EYA1: variants seen among roughly 807,000 people sequenced by gnomAD.
EYA1 encodes the protein protein phosphatase EYA1.
EYA1 carries 16 observed loss-of-function variants against 82.0 expected under a neutral mutation model. The observed-to-expected ratio is 0.20, with a 90% CI of 0.13 to 0.30. The LOEUF (loss-of-function observed/expected upper bound fraction) is 0.30, where lower values mean the gene tolerates loss of function less well. EYA1 is among the 10% of genes least tolerant of loss of function. The pLI is 1.00. For missense variants in EYA1, 633 were observed against 730.7 expected (o/e 0.87, Z 1.54); for synonymous variants, 261 against 264.4 (o/e 0.99, Z 0.12).
intron 2 of EYA1, among the ~76,000 whole-genome samples, chr8:71,495,181 T>C (rs926311641): frequency 2.0e-5 from 3 of 152,248 alleles, no homozygotes; most frequent in Non-Finnish European, 4.4e-5. Flanking sequence ...TAAAAGATAA[T>C]TCTTTCTTGC....
chr8:71,305,355 C>G (rs1425824322), intron 7 of EYA1, among the ~76,000 whole-genome samples: 1 of 142,416 alleles, frequency 7.0e-6, no homozygotes, highest in East Asian at 2.1e-4. Flanking sequence ...ATAAGTTTGG[C>G]AGAGATTGCT....
intron 2 of EYA1, among the ~76,000 whole-genome samples, chr8:71,507,653 C>A (rs976385259): frequency 7.2e-5 from 11 of 152,156 alleles, no homozygotes; most frequent in Non-Finnish European, 2.9e-5. Flanking sequence ...CACAGCCATT[C>A]GGTAGAATAC....
rs527305745 is a variant in EYA1 at position 71,467,650 on chromosome 8, G to C, written c.33+68094C>G. ...AGTGCCTAAGGGCTTCTTCCCATTA[G>C]AGTCATTGACTGGGGTTGAAAGCAT... On this transcript the variant is annotated intron_variant, in intron 2 of 18. Transcript: ENST00000643681. Among the ~76,000 whole-genome samples, 4 of 152,246 alleles carry C rather than the reference G, an allele frequency of 2.6e-5. No individual in the cohort carries two copies. In the South Asian group the frequency reaches 8.3e-4, roughly 32 times the overall value.
chr8:71,506,809 T>A (rs1418247549), intron 2 of EYA1, among the ~76,000 whole-genome samples: 1 of 151,608 alleles, frequency 6.6e-6, no homozygotes, highest in Non-Finnish European at 1.5e-5. Context: ...TAAAAACAAA[T>A]AAGAAAAGGT....
chr8:71,250,262 A>T (rs1813589277), intron 11 of EYA1, among the ~76,000 whole-genome samples: 1 of 152,210 alleles, frequency 6.6e-6, no homozygotes, highest in Non-Finnish European at 1.5e-5. Flanking sequence ...TTGATCATGA[A>T]ATCCTTTCCT....
intron 2 of EYA1, among the ~76,000 whole-genome samples, chr8:71,438,829 G>A (rs904266642): frequency 6.6e-6 from 1 of 152,162 alleles, no homozygotes; most frequent in African/African-American, 2.4e-5. Context: ...TGGCAAGGTG[G>A]CAAACCTTAC....
chr8:71,281,213 G>T (rs1336773202), intron 9 of EYA1, among the ~76,000 whole-genome samples: 1 of 152,142 alleles, frequency 6.6e-6, no homozygotes, highest in African/African-American at 2.4e-5. Flanking sequence ...GGAATGAATG[G>T]GGAGGTTTTC....
chr8:71,237,438 G>A (rs548839414), intron 12 of EYA1, among the ~76,000 whole-genome samples: 5 of 152,220 alleles, frequency 3.3e-5, no homozygotes, highest in Admixed American at 1.3e-4. Context: ...TTAATGAATT[G>A]CAGTAATCTT....
chr8:71,208,469 A>T (rs551182455), intron 17 of EYA1, among the ~76,000 whole-genome samples: 1 of 152,294 alleles, frequency 6.6e-6, no homozygotes, highest in African/African-American at 2.4e-5. Context: ...GCCTATTTCC[A>T]GTATAAAAAT....
rs570995924 is a variant in EYA1 at position 71,198,438 on chromosome 8, TA to T, written c.*901del. ...TGCTTTTGGTCTTGACAACATTATCTAAAAAAAAAAAATCCATTATCTACAT... is the reference window on the plus strand; with the variant it reads ...TGCTTTTGGTCTTGACAACATTATCTAAAAAAAAAAATCCATTATCTACAT... On this transcript the variant is annotated 3_prime_UTR_variant, in exon 18 of 18. Transcript: ENST00000340726. 8.8e-3 allele frequency: 1,279 copies of T among 145,718 alleles called. 19 individuals carry two copies. The highest frequency in any genetic ancestry group is 0.028 in the African/African-American group (1,106 of 40,074). The allele number at this position is 145,718 out of a possible 1,614,324, so 9.0% of individuals were successfully genotyped here.
At chr8:71,461,370 C>T (rs1808350558) in intron 2 of EYA1, among the ~76,000 whole-genome samples, 1 of 152,172 alleles carries the variant, frequency 6.6e-6, no homozygotes, top group African/African-American at 2.4e-5. Flanking sequence ...GGGCAGGCAG[C>T]TCCAGGTGCC....
intron 12 of EYA1, among the ~76,000 whole-genome samples, chr8:71,226,864 A>G (rs1007150794): frequency 6.6e-6 from 1 of 151,858 alleles, no homozygotes; most frequent in African/African-American, 2.4e-5. Flanking sequence ...CTATGTCCCT[A>G]CCGCTGACAT....
Position 71,512,322 on chromosome 8 carries a change from G to C in EYA1, c.33+23422C>G, listed in dbSNP as rs111252285. ...CATATGTCACAGAGCCGTTATGCAA[G>C]AAGGTGGAGAAAAGTTCAGAAAAAA... On this transcript the variant is annotated intron_variant, in intron 2 of 18. Transcript: ENST00000643681. Among the ~76,000 whole-genome samples the C allele has an allele frequency of 4.4e-3, 673 of 151,990 alleles. 2 individuals carry two copies. Among genetic ancestry groups the C allele is most frequent in the Non-Finnish European group, 7.9e-3 (540 of 67,986 alleles).
chr8:71,368,620 T>C (rs1036287503), intron 2 of EYA1, among the ~76,000 whole-genome samples: 3 of 152,204 alleles, frequency 2.0e-5, no homozygotes, highest in Non-Finnish European at 4.4e-5. Flanking sequence ...ACAATGATTT[T>C]AGATATGCAG....
At chr8:71,482,163 T>C (rs527315761) in intron 2 of EYA1, among the ~76,000 whole-genome samples, 4 of 152,282 alleles carry the variant, frequency 2.6e-5, no homozygotes, top group South Asian at 2.1e-4. Context: ...ATAGGACTTA[T>C]ATGCAGGATA....
intron 12 of EYA1, among the ~76,000 whole-genome samples, chr8:71,228,672 G>T (rs866293812): frequency 6.6e-6 from 1 of 152,080 alleles, no homozygotes; most frequent in Non-Finnish European, 1.5e-5. Flanking sequence ...ACATGTTCTC[G>T]ATTCTTTCAT....
intron 2 of EYA1, among the ~76,000 whole-genome samples, chr8:71,402,964 T>C (rs1158122114): frequency 6.6e-6 from 1 of 152,188 alleles, no homozygotes; most frequent in Non-Finnish European, 1.5e-5. Context: ...ACTTCAAGCA[T>C]AAATGATAAA....
At chr8:71,330,513 C>T (rs1823714744) in intron 4 of EYA1, among the ~76,000 whole-genome samples, 1 of 152,134 alleles carries the variant, frequency 6.6e-6, no homozygotes, top group African/African-American at 2.4e-5. Context: ...TTCTTTTTAG[C>T]ACTATGTACT....
chr8:71,445,201 CA>C (rs1214483957), intron 2 of EYA1, among the ~76,000 whole-genome samples: 1 of 152,108 alleles, frequency 6.6e-6, no homozygotes, highest in African/African-American at 2.4e-5. Flanking sequence ...CTTCGTCATC[CA>C]TCCTCATTCT....
Sources: gnomAD v4.1 joint callset for allele counts (sites outside exome capture counted in the v4.1 genomes callset) on GRCh38, gnomAD v4.1.1 for gene constraint, MANE v1.5 for transcripts, NCBI Gene and HGNC (gene_info 2026-07-23, HGNC 2026-07-21) for gene names.